The following PCDH9 variants were observed in gnomAD, a reference collection of about 807,000 sequenced individuals.
PCDH9 encodes the protein protocadherin-9.
A neutral mutation model predicts 70.6 loss-of-function variants in PCDH9; 24 were observed. The observed-to-expected ratio is 0.34, with a 90% CI of 0.25 to 0.48. The LOEUF (loss-of-function observed/expected upper bound fraction) is 0.48. PCDH9 is among the 20% of genes least tolerant of loss of function. PCDH9 has a pLI of 0.99. For missense variants in PCDH9, 1,281 were observed against 1,503.6 expected (o/e 0.85, Z 2.45); for synonymous variants, 562 against 558.5 (o/e 1.01, Z -0.09).
chr13:66,539,884 T>C (rs1249557974), intron 4 of PCDH9, among the ~76,000 whole-genome samples: 2 of 147,674 alleles, frequency 1.4e-5, no homozygotes, highest in East Asian at 3.9e-4. Context: ...TTTTTTTTTT[T>C]TTTTGAGACA....
chr13:67,071,551 T>C (rs2085762574), intron 2 of PCDH9, among the ~76,000 whole-genome samples: 1 of 152,148 alleles, frequency 6.6e-6, no homozygotes, highest in African/African-American at 2.4e-5. Flanking sequence ...AACACAAATT[T>C]ATTGAAAGTT....
At chr13:66,599,614 A>T (rs190713516) in intron 4 of PCDH9, among the ~76,000 whole-genome samples, 39 of 151,382 alleles carry the variant, frequency 2.6e-4, no homozygotes, top group African/African-American at 9.0e-4. Context: ...TGGCACAATC[A>T]CAACTCACTG....
intron 2 of PCDH9, among the ~76,000 whole-genome samples, chr13:66,945,514 A>T (rs1320208908): frequency 6.6e-6 from 1 of 152,122 alleles, no homozygotes; most frequent in African/African-American, 2.4e-5. Context: ...TTACTTTTTC[A>T]TATAGTTTTA....
At chr13:66,740,780 G>C (rs2079250542) in intron 3 of PCDH9, among the ~76,000 whole-genome samples, 2 of 151,014 alleles carry the variant, frequency 1.3e-5, no homozygotes, top group African/African-American at 4.8e-5. Context: ...ACTCTCCCAA[G>C]ACTAAACCAG....
At chr13:66,725,519 C>A (rs777137746) in intron 3 of PCDH9, among the ~76,000 whole-genome samples, 2 of 152,168 alleles carry the variant, frequency 1.3e-5, no homozygotes, top group Non-Finnish European at 2.9e-5. Context: ...TCCTAGTTAC[C>A]TCCCAGCGAC....
intron 2 of PCDH9, among the ~76,000 whole-genome samples, chr13:67,003,501 C>T (rs910533194): frequency 6.6e-6 from 1 of 150,870 alleles, no homozygotes; most frequent in African/African-American, 2.4e-5. Context: ...CTCTTTTATT[C>T]TATGTGAGGA....
intron 4 of PCDH9, among the ~76,000 whole-genome samples, chr13:66,630,155 A>AT (rs563574681): frequency 5.3e-5 from 8 of 151,220 alleles, no homozygotes; most frequent in East Asian, 1.9e-4. Flanking sequence ...AAGCAAAAAT[A>AT]TTTTTTTTTG....
chr13:66,657,472 T>C (rs903673065), intron 3 of PCDH9, among the ~76,000 whole-genome samples: 1 of 152,210 alleles, frequency 6.6e-6, no homozygotes, highest in Non-Finnish European at 1.5e-5. Context: ...AAAGAGCTCC[T>C]GGTTGCCTGG....
At chr13:67,072,372 G>T (rs1342870968) in intron 2 of PCDH9, among the ~76,000 whole-genome samples, 2 of 152,154 alleles carry the variant, frequency 1.3e-5, no homozygotes, top group African/African-American at 2.4e-5. Context: ...AACAGCCTTT[G>T]CTGAGGTCCC....
chr13:67,040,696 T>A (rs2085096810), intron 2 of PCDH9, among the ~76,000 whole-genome samples: 1 of 152,064 alleles, frequency 6.6e-6, no homozygotes, highest in African/African-American at 2.4e-5. Context: ...AAAAAAAATA[T>A]ATATTGAAAT....
At chr13:66,364,431 T>C (rs1048164562) in intron 4 of PCDH9, among the ~76,000 whole-genome samples, 1 of 152,198 alleles carries the variant, frequency 6.6e-6, no homozygotes, top group African/African-American at 2.4e-5. Context: ...CTGACTGTAA[T>C]TGGTGAATGT....
At chr13:66,433,254 T>C (rs976922998) in intron 4 of PCDH9, among the ~76,000 whole-genome samples, 4 of 152,014 alleles carry the variant, frequency 2.6e-5, no homozygotes, top group Non-Finnish European at 4.4e-5. Flanking sequence ...AAACATTAAC[T>C]ATTAGTTTAA....
rs190095694 is a variant in PCDH9, at chr13:66,762,932, C to G, written c.3139-131521G>C. Among the ~76,000 whole-genome samples, 591 of 151,736 alleles carry G rather than the reference C, an allele frequency of 3.9e-3. 8 individuals carry two copies. Among genetic ancestry groups the G allele is most frequent in the African/African-American group, 0.013 (544 of 41,298 alleles). On this transcript the variant is annotated intron_variant, in intron 3 of 4. Coordinates refer to ENST00000377865, the MANE Select transcript of PCDH9 (RefSeq NM_203487.3). Reference sequence around the variant, plus strand: ...TAAATTCAGAAAGATTCAAAGCAAGCGTATGGTAAATCATTTTTCAAAATA... The same window carrying G: ...TAAATTCAGAAAGATTCAAAGCAAGGGTATGGTAAATCATTTTTCAAAATA...
chr13:66,509,650 A>T (rs1037584930), intron 4 of PCDH9, among the ~76,000 whole-genome samples: 2 of 152,058 alleles, frequency 1.3e-5, no homozygotes, highest in African/African-American at 4.8e-5. Flanking sequence ...ACAAGGTCTC[A>T]TTATGTTGTT....
intron 2 of PCDH9, among the ~76,000 whole-genome samples, chr13:67,173,122 G>A (rs774374546): frequency 5.3e-5 from 8 of 151,992 alleles, no homozygotes; most frequent in Non-Finnish European, 7.4e-5. Context: ...ATAAATCAAA[G>A]GAAGGGAAAT....
At chr13:66,324,713 G>A (rs1291375035) in intron 4 of PCDH9, among the ~76,000 whole-genome samples, 1 of 151,956 alleles carries the variant, frequency 6.6e-6, no homozygotes, top group African/African-American at 2.4e-5. Context: ...AAGTGTAAAA[G>A]AAAGTTTAGT....
At chr13:66,913,825 T>C (rs546574972) in intron 2 of PCDH9, among the ~76,000 whole-genome samples, 14 of 152,104 alleles carry the variant, frequency 9.2e-5, no homozygotes, top group East Asian at 1.9e-4. Context: ...GCTTATCTCA[T>C]TGATATCTCT....
At chr13:66,348,484 A>G (rs867777154) in intron 4 of PCDH9, among the ~76,000 whole-genome samples, 5 of 151,312 alleles carry the variant, frequency 3.3e-5, no homozygotes, top group South Asian at 2.1e-4. Flanking sequence ...TGCAACTTCC[A>G]CTTCCGGGAT....
chr13:66,882,878 T>C (rs976824344), intron 3 of PCDH9, among the ~76,000 whole-genome samples: 1 of 152,208 alleles, frequency 6.6e-6, no homozygotes, highest in Non-Finnish European at 1.5e-5. Flanking sequence ...TGAAGATAAA[T>C]AATACTGACC....
Sources: gnomAD v4.1 joint callset for allele counts (sites outside exome capture counted in the v4.1 genomes callset) on GRCh38, gnomAD v4.1.1 for gene constraint, MANE v1.5 for transcripts, NCBI Gene and HGNC (gene_info 2026-07-23, HGNC 2026-07-21) for gene names.